Variants in DOCK4 observed in about 807,000 individuals in gnomAD.
DOCK4 encodes the protein dedicator of cytokinesis protein 4.
Under a neutral mutation model 268.1 loss-of-function variants are expected in DOCK4, and 97 were observed. The ratio of observed to expected loss-of-function variants is 0.36; its 90% CI spans 0.31 to 0.43. The LOEUF is 0.43. Ranked by LOEUF, DOCK4 falls within the 20% of genes least tolerant of loss-of-function variation. The pLI is 1.00. For synonymous variants in DOCK4, 954 were observed against 887.2 expected, an observed-to-expected ratio of 1.08 and a Z score of -1.34; for missense variants, 2,145 against 2,455.7, an observed-to-expected ratio of 0.87 and a Z score of 2.67.
chr7:111,827,679 A>T (rs1439061544), intron 26 of DOCK4, among the ~76,000 whole-genome samples: 1 of 152,164 alleles, frequency 6.6e-6, no homozygotes, highest in South Asian at 2.1e-4. Flanking sequence ...GATTCAGAGG[A>T]ATTAAAAATT....
intron 13 of DOCK4, among the ~76,000 whole-genome samples, chr7:111,913,253 G>A (rs1043713306): frequency 9.2e-5 from 14 of 151,922 alleles, no homozygotes; most frequent in African/African-American, 2.7e-4. Flanking sequence ...GAGCCACTGC[G>A]TCAGGCCAGA....
At chr7:112,187,690 A>G (rs950882999) in intron 1 of DOCK4, among the ~76,000 whole-genome samples, 1 of 152,194 alleles carries the variant, frequency 6.6e-6, no homozygotes, top group African/African-American at 2.4e-5. Flanking sequence ...TTGTGTCACA[A>G]TGATTAATAG....
chr7:112,079,110 G>A (rs1808354828), intron 1 of DOCK4, among the ~76,000 whole-genome samples: 1 of 152,174 alleles, frequency 6.6e-6, no homozygotes, highest in African/African-American at 2.4e-5. Context: ...CTGGGCAACA[G>A]AGCGAGACTC....
At chr7:112,113,605 G>C (rs1811857385) in intron 1 of DOCK4, among the ~76,000 whole-genome samples, 1 of 151,828 alleles carries the variant, frequency 6.6e-6, no homozygotes, top group African/African-American at 2.4e-5. Flanking sequence ...ATAGGGTCTT[G>C]CTCTATTGCC....
chr7:111,795,843 C>A (rs140023907), intron 30 of DOCK4, among the ~76,000 whole-genome samples: 1 of 152,184 alleles, frequency 6.6e-6, no homozygotes, highest in Non-Finnish European at 1.5e-5. Flanking sequence ...TTTCCATCCT[C>A]CTGGAAAAGG....
At chr7:112,091,065 T>C (rs995640443) in intron 1 of DOCK4, among the ~76,000 whole-genome samples, 3 of 135,944 alleles carry the variant, frequency 2.2e-5, no homozygotes, top group African/African-American at 5.2e-5. Flanking sequence ...ACTGTTCAAA[T>C]AGAGCCCTCC....
In DOCK4 at chr7:111,993,070, G is replaced by A. The variant is rs114467423; in HGVS notation, c.315+1065C>T. On this transcript the variant is annotated intron_variant, in intron 5 of 52. Coordinates refer to ENST00000428084, the MANE Select transcript of DOCK4 (RefSeq NM_001363540.2). ...GTGGATTTTCATAGTGAGTTCTAAA[G>A]CTACCAGCTACAGGAGGGTTTAATC... Among the ~76,000 whole-genome samples, 6 of 152,290 alleles carry A rather than the reference G, an allele frequency of 3.9e-5. No individual in the cohort carries two copies. The South Asian group carries it at 1.2e-3, about 32-fold the overall frequency.
intron 1 of DOCK4, among the ~76,000 whole-genome samples, chr7:112,116,844 T>A (rs1812221749): frequency 6.6e-6 from 1 of 152,066 alleles, no homozygotes; most frequent in African/African-American, 2.4e-5. Flanking sequence ...TCCTCCCACC[T>A]CATCTCCAAA....
At chr7:111,926,787 T>C (rs1389062828) in intron 12 of DOCK4, among the ~76,000 whole-genome samples, 6 of 144,216 alleles carry the variant, frequency 4.2e-5, no homozygotes, top group Non-Finnish European at 7.5e-5. Context: ...TGAGCCGAGA[T>C]CATGCCACTG....
Position 112,025,571 on chromosome 7 carries a change from CCATT to C in DOCK4, c.38-21444_38-21441del, listed in dbSNP as rs1453134174. On this transcript the variant is annotated intron_variant, in intron 1 of 52. Coordinates refer to ENST00000428084, the MANE Select transcript of DOCK4 (RefSeq NM_001363540.2). Reference sequence around the variant, plus strand: ...CCTCTCAGCCCCTCTGATTCCTCCTCCATTCAGGTGCCGGTATGACCTATCCAAA... The same window carrying C: ...CCTCTCAGCCCCTCTGATTCCTCCTCCAGGTGCCGGTATGACCTATCCAAA... 2.2e-4 allele frequency among the ~76,000 whole-genome samples: 33 copies of C among 152,264 alleles called. 1 individual carries two copies. Among genetic ancestry groups the C allele is most frequent in the African/African-American group, 7.7e-4 (32 of 41,536 alleles).
intron 1 of DOCK4, among the ~76,000 whole-genome samples, chr7:112,202,328 T>C (rs995398265): frequency 6.6e-6 from 1 of 152,238 alleles, no homozygotes; most frequent in African/African-American, 2.4e-5. Flanking sequence ...CGTTCCCTTT[T>C]CTCTGCACTC....
intron 6 of DOCK4, among the ~76,000 whole-genome samples, chr7:111,987,616 A>G (rs757601318): frequency 2.0e-5 from 3 of 152,314 alleles, no homozygotes; most frequent in Middle Eastern, 3.4e-3. Context: ...GTTCCCTGTA[A>G]ATGGCTGGCA....
chr7:111,803,259 T>G (rs1735734020), intron 30 of DOCK4, among the ~76,000 whole-genome samples: 1 of 152,228 alleles, frequency 6.6e-6, no homozygotes, highest in Non-Finnish European at 1.5e-5. Flanking sequence ...ACACGGAATC[T>G]GCAAACCTGA....
At chr7:112,169,415 A>C (rs1817884627) in intron 1 of DOCK4, among the ~76,000 whole-genome samples, 1 of 152,186 alleles carries the variant, frequency 6.6e-6, no homozygotes, top group African/African-American at 2.4e-5. Context: ...AACTTTAAAC[A>C]CAAAAATTAA....
At chr7:111,816,567 G>A (rs1801572598) in intron 27 of DOCK4, among the ~76,000 whole-genome samples, 1 of 152,154 alleles carries the variant, frequency 6.6e-6, no homozygotes, top group Admixed American at 6.5e-5. Context: ...GATGCATGTG[G>A]TCATCCTTCT....
chr7:111,789,749 G>C (rs868316649), intron 31 of DOCK4, among the ~76,000 whole-genome samples: 1 of 152,152 alleles, frequency 6.6e-6, no homozygotes, highest in Non-Finnish European at 1.5e-5. Context: ...TTTGAGGGAG[G>C]CTTCTTCTGG....
chr7:111,824,090 C>T (rs377395586), intron 26 of DOCK4, among the ~76,000 whole-genome samples: 3 of 152,098 alleles, frequency 2.0e-5, no homozygotes, highest in Non-Finnish European at 2.9e-5. Flanking sequence ...TAGACAGATC[C>T]GGTCCATGTC....
intron 6 of DOCK4, among the ~76,000 whole-genome samples, chr7:111,988,295 C>T (rs1357781950): frequency 6.6e-6 from 1 of 152,142 alleles, no homozygotes; most frequent in Admixed American, 6.5e-5. Flanking sequence ...TCACGCAACC[C>T]TAGGGTCTCA....
At chr7:111,736,804 G>C (rs1350670989) in intron 50 of DOCK4, 113 bp downstream of exon 50, 5 of 915,436 alleles carry the variant, frequency 5.5e-6, no homozygotes, top group Non-Finnish European at 7.1e-6. Flanking sequence ...TACTAGTCCT[G>C]ATCATTAAAG....
Sources: allele counts gnomAD v4.1 joint callset (sites outside exome capture counted in the v4.1 genomes callset), GRCh38; gene constraint gnomAD v4.1.1; transcripts MANE v1.5; gene names NCBI Gene and HGNC (gene_info 2026-07-23, HGNC 2026-07-21).